The following FRAS1 variants were observed in gnomAD, a reference collection of about 807,000 sequenced individuals.
FRAS1 encodes Fraser extracellular matrix complex subunit 1, also known as extracellular matrix organizing protein FRAS1.
A neutral mutation model predicts 435.2 loss-of-function variants in FRAS1; 290 were observed. The observed-to-expected ratio is 0.67, with a 90% CI of 0.61 to 0.73. The LOEUF (loss-of-function observed/expected upper bound fraction) is 0.73, where lower values mean the gene tolerates loss of function less well. FRAS1 is among the 30% of genes least tolerant of loss of function. The probability of loss-of-function intolerance (pLI) is 0.00; values close to 1 mark genes in which losing one functional copy is unlikely to be tolerated. For missense variants in FRAS1, 4,860 were observed against 5,001.5 expected, an observed-to-expected ratio of 0.97 and a Z score of 0.85; for synonymous variants, 1,800 against 1,851.0, an observed-to-expected ratio of 0.97 and a Z score of 0.71.
intron 1 of FRAS1, among the ~76,000 whole-genome samples, chr4:78,059,647 A>C (rs941015146): frequency 6.6e-6 from 1 of 151,964 alleles, no homozygotes; most frequent in African/African-American, 2.4e-5. Context: ...TTAGAGTCCT[A>C]TCCCAGCAAC....
At chr4:78,182,066 G>T (rs1191507820) in intron 2 of FRAS1, 1 of 1,505,100 alleles carries the variant, frequency 6.6e-7, no homozygotes, top group Non-Finnish European at 8.8e-7. Context: ...TCGGCGGCGG[G>T]TTCCTCTACG....
intron 29 of FRAS1, among the ~76,000 whole-genome samples, chr4:78,396,733 T>C (rs566946953): frequency 1.3e-5 from 2 of 152,364 alleles, no homozygotes; most frequent in East Asian, 3.9e-4. Context: ...ATTACTCCTC[T>C]GACTGGATAG....
chr4:78,360,115 G>T (rs962965483), intron 20 of FRAS1, among the ~76,000 whole-genome samples: 1 of 152,188 alleles, frequency 6.6e-6, no homozygotes, highest in Admixed American at 6.5e-5. Context: ...AAGTCGGTTG[G>T]AGGCACAGAA....
chr4:78,372,847 G>T lies in FRAS1; in HGVS notation c.2999G>T (p.Gly1000Val). Residue 1000 changes from glycine to valine, a missense_variant, in exon 24 of 74, where the codon GGC becomes GTC. Gly to Val is a moderately radical substitution (Grantham distance 109). Coordinates refer to ENST00000512123, the MANE Select transcript of FRAS1 (RefSeq NM_025074.7). ...QCLSSFYQDS[G>V]LCKNCDSYCL... ...TTGTCATCATTTTACCAGGACTCGG[G>T]CCTCTGCAAGAGTAAGTGTGTAGAG... The T allele has an allele frequency of 6.2e-7, 1 of 1,612,586 alleles. No individual in the cohort carries two copies. Among genetic ancestry groups the T allele is most frequent in the Non-Finnish European group, 8.5e-7 (1 of 1,179,654 alleles).
At chr4:78,409,760 C>T (rs1307033278) in intron 31 of FRAS1, among the ~76,000 whole-genome samples, 2 of 152,124 alleles carry the variant, frequency 1.3e-5, no homozygotes, top group South Asian at 2.1e-4. Flanking sequence ...TCAGCCAAAG[C>T]GGTGTCAGGG....
chr4:78,387,657 C>T lies in FRAS1; in HGVS notation c.3931C>T (p.His1311Tyr). The T allele has an allele frequency of 1.3e-6, 2 of 1,595,850 alleles. No individual in the cohort carries two copies. Among genetic ancestry groups the T allele is most frequent in the Non-Finnish European group, 1.7e-6 (2 of 1,169,290 alleles). The change falls in exon 29 of 74, where the codon CAC (histidine) becomes TAC (tyrosine). Residue 1311 changes from histidine to tyrosine, a missense_variant. Coordinates refer to ENST00000512123, the MANE Select transcript of FRAS1 (RefSeq NM_025074.7). Reference sequence around the variant, plus strand: ...TGCAGTCTTGCAGGCCAATGATGGACACTCCTTCCATAATATACTGTTCCA... The same window carrying T: ...TGCAGTCTTGCAGGCCAATGATGGATACTCCTTCCATAATATACTGTTCCA... ...DVAVLQANDG[H>Y]SFHNILFQVK...
chr4:78,522,747 T>G lies in FRAS1; in HGVS notation c.10747T>G (p.Trp3583Gly), dbSNP rs1444917397. 2.5e-6 allele frequency: 4 copies of G among 1,612,636 alleles called. No individual in the cohort carries two copies. Among genetic ancestry groups the G allele is most frequent in the Non-Finnish European group, 3.4e-6 (4 of 1,179,292 alleles). The change falls in exon 69 of 74, where the codon TGG becomes GGG. Residue 3583 changes from tryptophan to glycine, a missense_variant. Physicochemically the swap from Trp to Gly is radical, Grantham distance 184. Transcript: ENST00000512123. The part of the protein sequence containing the change: ...GGIEFDLQLL[W>G]SAQTFDSPHQ... ...AATTGAATTTGACTTGCAGCTATTA[T>G]GGAGCGCTCAGACTTTTGATTCTCC...
chr4:78,401,071 G>A (rs1041584559), intron 30 of FRAS1, among the ~76,000 whole-genome samples, 184 bp downstream of exon 30: 2 of 152,158 alleles, frequency 1.3e-5, no homozygotes, highest in Admixed American at 1.3e-4. Context: ...ACTAGGTAGT[G>A]TACTAAAGTT....
intron 50 of FRAS1, among the ~76,000 whole-genome samples, chr4:78,469,607 G>A (rs1033295415): frequency 4.7e-5 from 7 of 147,838 alleles, no homozygotes; most frequent in Admixed American, 1.3e-4. Context: ...ATTTTAACAC[G>A]GTTTATTGAA....
At chr4:78,170,830 C>A (rs1721518848) in intron 2 of FRAS1, among the ~76,000 whole-genome samples, 1 of 151,972 alleles carries the variant, frequency 6.6e-6, no homozygotes, top group African/African-American at 2.4e-5. Context: ...CACGGGTGGC[C>A]CCACAGTCAC....
At chr4:78,287,405 T>G (rs148612695) in intron 14 of FRAS1, among the ~76,000 whole-genome samples, 5 of 152,238 alleles carry the variant, frequency 3.3e-5, no homozygotes, top group African/African-American at 1.2e-4. Context: ...GAGTTTGTCT[T>G]CAGGAGAATA....
chr4:78,440,892 G>T (rs2867067), intron 40 of FRAS1, among the ~76,000 whole-genome samples: 54,363 of 151,988 alleles, frequency 0.36, 10,053 homozygotes, highest in African/African-American at 0.43. Context: ...GGCTAGAGCT[G>T]CTTTATAACC....
chr4:78,384,176 A>G, intron 28 of FRAS1, 33 bp downstream of exon 28: 1 of 1,388,658 alleles, frequency 7.2e-7, no homozygotes, highest in Non-Finnish European at 1.0e-6. Flanking sequence ...TAATAATTTT[A>G]CATGACTACT....
intron 16 of FRAS1, among the ~76,000 whole-genome samples, chr4:78,317,166 A>G (rs970175480): frequency 3.3e-5 from 5 of 152,244 alleles, no homozygotes; most frequent in African/African-American, 1.2e-4. Context: ...CTAATAAGCA[A>G]TATGTAGAGC....
intron 25 of FRAS1, among the ~76,000 whole-genome samples, 152 bp downstream of exon 25, chr4:78,374,403 T>G (rs1731674477): frequency 6.6e-6 from 1 of 152,242 alleles, no homozygotes; most frequent in Non-Finnish European, 1.5e-5. Context: ...TTCCCATGCA[T>G]ATCTGCCGTA....
chr4:78,523,636 CA>C (rs1401329277), intron 69 of FRAS1, among the ~76,000 whole-genome samples: 1 of 151,958 alleles, frequency 6.6e-6, no homozygotes, highest in Admixed American at 6.6e-5. Flanking sequence ...GAATCATTTT[CA>C]AAAAAAATTT....
intron 6 of FRAS1, among the ~76,000 whole-genome samples, chr4:78,260,171 G>C (rs537858003): frequency 6.6e-5 from 10 of 151,938 alleles, no homozygotes; most frequent in Non-Finnish European, 5.9e-5. Flanking sequence ...GCTTAGGATT[G>C]ACTTGGCAAT....
chr4:78,330,975 C>T (rs1351083703), intron 18 of FRAS1, among the ~76,000 whole-genome samples: 4 of 152,132 alleles, frequency 2.6e-5, no homozygotes, highest in East Asian at 1.9e-4. Context: ...TGGGGCATCA[C>T]GGAACCTACC....
chr4:78,506,572 A>G (rs1217065763), intron 61 of FRAS1, among the ~76,000 whole-genome samples: 4 of 152,230 alleles, frequency 2.6e-5, no homozygotes, highest in Admixed American at 2.6e-4. Context: ...ATGGGAGAGA[A>G]TCCCCTGGTC....
Sources: gnomAD v4.1 joint callset for allele counts (sites outside exome capture counted in the v4.1 genomes callset) on GRCh38, gnomAD v4.1.1 for gene constraint, MANE v1.5 for transcripts, NCBI Gene and HGNC (gene_info 2026-07-23, HGNC 2026-07-21) for gene names.